Variants in PRKG1 observed in about 807,000 individuals in gnomAD.
PRKG1 encodes the protein protein kinase cGMP-dependent 1.
Under a neutral mutation model 88.1 loss-of-function variants are expected in PRKG1, and 35 were observed. The observed-to-expected ratio is 0.40, with a 90% confidence interval of 0.30 to 0.53. The LOEUF is 0.53. Ranked by LOEUF, PRKG1 falls within the 20% of genes least tolerant of loss-of-function variation. The pLI is 0.59. For synonymous variants in PRKG1, 303 were observed against 292.5 expected (o/e 1.04, Z -0.37); for missense variants, 540 against 839.8 (o/e 0.64, Z 4.41).
intron 2 of PRKG1, among the ~76,000 whole-genome samples, chr10:51,190,207 T>C (rs368767935): frequency 6.6e-6 from 1 of 151,920 alleles, no homozygotes; most frequent in East Asian, 1.9e-4. Flanking sequence ...CATGATTACT[T>C]GTCTGCAAGT....
At chr10:51,715,470 G>C (rs1841863536) in intron 3 of PRKG1, among the ~76,000 whole-genome samples, 1 of 152,126 alleles carries the variant, frequency 6.6e-6, no homozygotes, top group Non-Finnish European at 1.5e-5. Flanking sequence ...GGGGTATGCA[G>C]ACTTCACTTT....
chr10:52,259,835 A>T (rs1841391324), intron 10 of PRKG1, among the ~76,000 whole-genome samples: 1 of 152,088 alleles, frequency 6.6e-6, no homozygotes, highest in East Asian at 1.9e-4. Context: ...GTTTTCCCTG[A>T]AGTAAACTGG....
intron 8 of PRKG1, among the ~76,000 whole-genome samples, chr10:52,135,635 T>G (rs1179904986): frequency 6.6e-6 from 1 of 152,060 alleles, no homozygotes; most frequent in East Asian, 1.9e-4. Flanking sequence ...AAATTAGGGA[T>G]GTAGTTGGGA....
rs1260455291 is a variant in PRKG1, at chr10:51,316,102, G to A, written c.479-151621G>A. On this transcript the variant is annotated intron_variant, in intron 2 of 17. Coordinates refer to ENST00000373980, the MANE Select transcript of PRKG1 (RefSeq NM_006258.4). ...AGGATGGAGTAGAAATAACCATTCT[G>A]TTTTCAACAAACTTTTGATTTTATC... Among the ~76,000 whole-genome samples the A allele has an allele frequency of 4.6e-5, 7 of 152,208 alleles. No individual in the cohort carries two copies. In the East Asian group the frequency reaches 1.4e-3, roughly 29 times the overall value.
chr10:51,471,378 C>A (rs965805369), intron 3 of PRKG1, among the ~76,000 whole-genome samples: 1 of 151,682 alleles, frequency 6.6e-6, no homozygotes, highest in Non-Finnish European at 1.5e-5. Context: ...TTTTGCCATC[C>A]GTTTTCAACC....
intron 1 of PRKG1, among the ~76,000 whole-genome samples, chr10:51,002,822 A>G (rs988876185): frequency 2.0e-5 from 3 of 152,160 alleles, no homozygotes; most frequent in African/African-American, 7.2e-5. Flanking sequence ...GGTCAAAACA[A>G]GTCAGTTTTG....
intron 3 of PRKG1, among the ~76,000 whole-genome samples, chr10:51,603,352 A>G (rs914605686): frequency 1.3e-5 from 2 of 152,152 alleles, no homozygotes; most frequent in Non-Finnish European, 2.9e-5. Context: ...GTTATTTTCA[A>G]TCTTTTTGTC....
chr10:51,622,478 C>A (rs531125133), intron 3 of PRKG1, among the ~76,000 whole-genome samples: 16 of 152,182 alleles, frequency 1.1e-4, no homozygotes, highest in African/African-American at 3.4e-4. Flanking sequence ...CAGCTATTTG[C>A]GCATGACCAG....
At chr10:51,467,997 G>T (rs1313193662) in intron 3 of PRKG1, 161 bp downstream of exon 3, 2 of 621,950 alleles carry the variant, frequency 3.2e-6, no homozygotes, top group Non-Finnish European at 5.7e-6. Flanking sequence ...TCCTACTAAA[G>T]GTGATTGTTA....
chr10:51,432,644 CA>C (rs1321635847), intron 2 of PRKG1, among the ~76,000 whole-genome samples: 4 of 151,594 alleles, frequency 2.6e-5, no homozygotes, highest in African/African-American at 4.9e-5. Flanking sequence ...AAAGGTCTAC[CA>C]GGGGCAGAGC....
intron 5 of PRKG1, among the ~76,000 whole-genome samples, chr10:52,041,979 T>C (rs1172938094): frequency 6.6e-6 from 1 of 152,052 alleles, no homozygotes; most frequent in Non-Finnish European, 1.5e-5. Flanking sequence ...AAAAATTAGA[T>C]ACCTAGGAAT....
chr10:51,378,342 A>C (rs1264437349), intron 2 of PRKG1, among the ~76,000 whole-genome samples: 1 of 152,222 alleles, frequency 6.6e-6, no homozygotes, highest in African/African-American at 2.4e-5. Flanking sequence ...TGATTCATGC[A>C]TAACACAGAT....
chr10:51,106,215 C>A (rs1462010962), intron 1 of PRKG1, among the ~76,000 whole-genome samples: 1 of 152,192 alleles, frequency 6.6e-6, no homozygotes, highest in African/African-American at 2.4e-5. Context: ...CTATACACCT[C>A]ACAGGATTAT....
At chr10:52,271,527 C>T in intron 11 of PRKG1, 38 bp downstream of exon 11, 1 of 1,594,624 alleles carries the variant, frequency 6.3e-7, no homozygotes, top group African/African-American at 1.3e-5. Context: ...TACCCAACTC[C>T]AAGTGACAAA....
At chr10:51,909,390 AATT>A (rs1233197167) in intron 5 of PRKG1, 3 of 152,204 alleles carry the variant, frequency 2.0e-5, no homozygotes, top group Non-Finnish European at 4.4e-5. Context: ...AGCAGCCAAC[AATT>A]ATTATAAAAC....
intron 7 of PRKG1, among the ~76,000 whole-genome samples, chr10:52,090,715 T>C (rs1847035161): frequency 6.6e-6 from 1 of 152,230 alleles, no homozygotes; most frequent in South Asian, 2.1e-4. Context: ...AAATGTTATT[T>C]GAATGTGGTA....
At chr10:52,039,972 G>C (rs968679105) in intron 5 of PRKG1, among the ~76,000 whole-genome samples, 2 of 152,084 alleles carry the variant, frequency 1.3e-5, no homozygotes, top group African/African-American at 4.8e-5. Flanking sequence ...GACAAGCCTA[G>C]ACAGAAACAA....
At chr10:51,480,378 T>G (rs1383543962) in intron 3 of PRKG1, among the ~76,000 whole-genome samples, 1 of 152,162 alleles carries the variant, frequency 6.6e-6, no homozygotes, top group African/African-American at 2.4e-5. Context: ...GCCTTATCTA[T>G]AAGAAGTGTC....
intron 5 of PRKG1, among the ~76,000 whole-genome samples, chr10:51,967,002 C>T (rs887574962): frequency 5.9e-5 from 9 of 152,140 alleles, no homozygotes; most frequent in Admixed American, 2.0e-4. Context: ...GTCAGTGTGG[C>T]GATTCCTCAG....
Sources: allele counts gnomAD v4.1 joint callset (sites outside exome capture counted in the v4.1 genomes callset), GRCh38; gene constraint gnomAD v4.1.1; transcripts MANE v1.5; gene names NCBI Gene and HGNC (gene_info 2026-07-23, HGNC 2026-07-21).